ADARB2: variants seen among roughly 807,000 people sequenced by gnomAD.
ADARB2 encodes the protein inactive double-stranded RNA-specific editase B2.
Under a neutral mutation model 62.2 loss-of-function variants are expected in ADARB2, and 25 were observed. The ratio of observed to expected loss-of-function variants is 0.40; its 90% CI spans 0.29 to 0.56. ADARB2 has a LOEUF of 0.56. ADARB2 is among the 20% of genes least tolerant of loss of function. The probability of loss-of-function intolerance (pLI) is 0.43; values close to 1 mark genes in which losing one functional copy is unlikely to be tolerated. For missense variants in ADARB2, 1,071 were observed against 1,077.4 expected (o/e 0.99, Z 0.08); for synonymous variants, 572 against 500.8 (o/e 1.14, Z -1.90).
chr10:1,526,530 A>C, intron 1 of ADARB2: 1 of 179,882 alleles, frequency 5.6e-6, no homozygotes, highest in Non-Finnish European at 1.2e-5. Context: ...TTGCAGTGAG[A>C]GCTGATTGGT....
At chr10:1,537,612 G>T (rs188422605) in intron 1 of ADARB2, among the ~76,000 whole-genome samples, 1 of 152,312 alleles carries the variant, frequency 6.6e-6, no homozygotes, top group Non-Finnish European at 1.5e-5. Flanking sequence ...CATATATACA[G>T]CATGGAATAC....
intron 1 of ADARB2, among the ~76,000 whole-genome samples, chr10:1,712,908 CACCACCATT>C (rs1316185116): frequency 1.3e-5 from 2 of 152,094 alleles, no homozygotes; most frequent in African/African-American, 4.8e-5. Flanking sequence ...AGCACCCGGC[CACCACCATT>C]ACTTTCACTG....
intron 1 of ADARB2, among the ~76,000 whole-genome samples, chr10:1,588,415 A>G (rs75674894): frequency 0.016 from 2,468 of 152,278 alleles, 39 homozygotes; most frequent in Non-Finnish European, 0.025. Flanking sequence ...AATATAAGGA[A>G]CTTGATAGGC....
intron 3 of ADARB2, among the ~76,000 whole-genome samples, chr10:1,308,718 A>G (rs1447334835): frequency 2.0e-5 from 3 of 152,142 alleles, no homozygotes; most frequent in Admixed American, 1.3e-4. Flanking sequence ...TTTAATTTGC[A>G]TTTCCAGGTA....
intron 3 of ADARB2, among the ~76,000 whole-genome samples, chr10:1,295,528 A>C (rs958328068): frequency 1.6e-4 from 25 of 152,152 alleles, no homozygotes; most frequent in African/African-American, 6.0e-4. Context: ...CAGGGAGGAC[A>C]AGAGGACCCT....
At chr10:1,648,644 C>G (rs1041809678) in intron 1 of ADARB2, among the ~76,000 whole-genome samples, 8 of 152,138 alleles carry the variant, frequency 5.3e-5, no homozygotes, top group African/African-American at 1.9e-4. Flanking sequence ...TTCAGGCAAT[C>G]CAGCTCTGGT....
chr10:1,469,600 T>C (rs1831296462), intron 1 of ADARB2, among the ~76,000 whole-genome samples: 1 of 152,216 alleles, frequency 6.6e-6, no homozygotes, highest in Admixed American at 6.5e-5. Flanking sequence ...TTTATTGAAT[T>C]GGTTGATTTG....
At chr10:1,476,956 A>G (rs3849976) in intron 1 of ADARB2, among the ~76,000 whole-genome samples, 63,022 of 151,872 alleles carry the variant, frequency 0.41, 13,270 homozygotes, top group Admixed American at 0.51. Context: ...CTTTCTTAAC[A>G]ATCAGAGACA....
At chr10:1,494,841 A>G (rs781575769) in intron 1 of ADARB2, among the ~76,000 whole-genome samples, 6 of 152,228 alleles carry the variant, frequency 3.9e-5, no homozygotes, top group Non-Finnish European at 5.9e-5. Context: ...ATCTAGTAGA[A>G]GTACACCTGG....
chr10:1,495,003 CA>C (rs1371583392), intron 1 of ADARB2, among the ~76,000 whole-genome samples: 1 of 152,090 alleles, frequency 6.6e-6, no homozygotes, highest in African/African-American at 2.4e-5. Flanking sequence ...AATTCTCAAC[CA>C]AAACAGAGGC....
At chr10:1,486,298 A>T (rs1178768371) in intron 1 of ADARB2, among the ~76,000 whole-genome samples, 1 of 151,588 alleles carries the variant, frequency 6.6e-6, no homozygotes, top group Non-Finnish European at 1.5e-5. Flanking sequence ...TTCCAGGTTT[A>T]TCTGTTTGGG....
At chr10:1,557,097 C>T (rs1168856970) in intron 1 of ADARB2, 2 of 344,328 alleles carry the variant, frequency 5.8e-6, no homozygotes, top group African/African-American at 4.3e-5. Flanking sequence ...GTACCTCTTT[C>T]CTTCCATTGC....
intron 2 of ADARB2, among the ~76,000 whole-genome samples, chr10:1,378,018 G>GACA (rs1352950653): frequency 1.3e-5 from 2 of 152,160 alleles, no homozygotes; most frequent in African/African-American, 2.4e-5. Context: ...CCCATCCCGT[G>GACA]ACAACAGGCG....
chr10:1,585,065 A>G (rs550088300), intron 1 of ADARB2, among the ~76,000 whole-genome samples: 2 of 152,244 alleles, frequency 1.3e-5, no homozygotes, highest in East Asian at 3.9e-4. Context: ...CACCCACAGA[A>G]TGTACAATAC....
intron 1 of ADARB2, among the ~76,000 whole-genome samples, chr10:1,603,917 G>A (rs999843096): frequency 2.0e-5 from 3 of 152,172 alleles, no homozygotes; most frequent in African/African-American, 4.8e-5. Flanking sequence ...CGATTCTCCT[G>A]CCTCAGCCTC....
At chr10:1,356,187 GT>G (rs1832193357) in intron 3 of ADARB2, among the ~76,000 whole-genome samples, 1 of 152,196 alleles carries the variant, frequency 6.6e-6, no homozygotes, top group Non-Finnish European at 1.5e-5. Flanking sequence ...CTGCAGGACT[GT>G]TTTTCCTTCC....
rs1832490895 is a variant in ADARB2 at position 1,544,615 on chromosome 10, G to A, written c.101-165455C>T. 2.6e-5 allele frequency among the ~76,000 whole-genome samples: 4 copies of A among 152,126 alleles called. No individual in the cohort carries two copies. The South Asian group carries it at 8.3e-4, about 32-fold the overall frequency. ...GCCGGGGCCTGGACAGGGGGTACAG[G>A]GGCGGGAATGGATGCACAGGTACAG... On this transcript the variant is annotated intron_variant, in intron 1 of 9. Coordinates refer to ENST00000381312, the MANE Select transcript of ADARB2 (RefSeq NM_018702.4).
At chr10:1,561,366 C>G (rs1274554755) in intron 1 of ADARB2, among the ~76,000 whole-genome samples, 1 of 152,220 alleles carries the variant, frequency 6.6e-6, no homozygotes, top group Non-Finnish European at 1.5e-5. Flanking sequence ...CAGTCCCAAA[C>G]TTGCTCATTT....
chr10:1,609,755 C>A (rs1833544162), intron 1 of ADARB2, among the ~76,000 whole-genome samples: 1 of 152,236 alleles, frequency 6.6e-6, no homozygotes, highest in Non-Finnish European at 1.5e-5. Flanking sequence ...TCTACTGGGC[C>A]CGGGTGAGCT....
Sources: gnomAD v4.1 joint callset for allele counts (sites outside exome capture counted in the v4.1 genomes callset) on GRCh38, gnomAD v4.1.1 for gene constraint, MANE v1.5 for transcripts, NCBI Gene and HGNC (gene_info 2026-07-23, HGNC 2026-07-21) for gene names.